SNX29: variants seen among roughly 807,000 people sequenced by gnomAD.
The protein encoded by SNX29 is sorting nexin 29, also known as sorting nexin-29.
A neutral mutation model predicts 102.1 loss-of-function variants in SNX29; 78 were observed. That is an observed-to-expected ratio of 0.76 (90% confidence interval 0.64 to 0.92). The LOEUF (loss-of-function observed/expected upper bound fraction) is 0.92. SNX29 is among the 40% of genes least tolerant of loss of function. The pLI is 0.00. For synonymous variants in SNX29, 580 were observed against 414.5 expected (o/e 1.40, Z -4.85); for missense variants, 1,280 against 1,061.7 (o/e 1.21, Z -2.86).
At chr16:12,102,848 G>T (rs1323646412) in intron 11 of SNX29, among the ~76,000 whole-genome samples, 2 of 152,166 alleles carry the variant, frequency 1.3e-5, no homozygotes, top group Non-Finnish European at 2.9e-5. Context: ...AAGCTGATAA[G>T]CAACTTCAGT....
intron 11 of SNX29, among the ~76,000 whole-genome samples, chr16:12,118,755 C>T (rs1471290511): frequency 2.6e-5 from 4 of 152,148 alleles, no homozygotes; most frequent in South Asian, 2.1e-4. Flanking sequence ...GTTTTCTAGC[C>T]TTCTGTGAGT....
chr16:12,228,994 A>G (rs1285203639), intron 14 of SNX29, among the ~76,000 whole-genome samples: 3 of 151,412 alleles, frequency 2.0e-5, no homozygotes, highest in Non-Finnish European at 4.4e-5. Context: ...TTTCTCCCCC[A>G]CTCCCAAATG....
At chr16:12,038,460 G>A (rs1188676858) in intron 4 of SNX29, among the ~76,000 whole-genome samples, 1 of 152,208 alleles carries the variant, frequency 6.6e-6, no homozygotes, top group Non-Finnish European at 1.5e-5. Flanking sequence ...GCTTTCAGGT[G>A]TTTGGAGAAC....
chr16:12,515,885 G>C (rs540258920), intron 19 of SNX29, among the ~76,000 whole-genome samples: 89 of 152,118 alleles, frequency 5.9e-4, no homozygotes, highest in Non-Finnish European at 1.1e-3. Context: ...GTAACTCGAT[G>C]GTGCACCACG....
chr16:12,139,436 G>A (rs1279805566), intron 13 of SNX29, among the ~76,000 whole-genome samples: 1 of 152,182 alleles, frequency 6.6e-6, no homozygotes, highest in Non-Finnish European at 1.5e-5. Flanking sequence ...GCCTGGCATT[G>A]CTCAGTCATA....
intron 14 of SNX29, among the ~76,000 whole-genome samples, chr16:12,264,511 G>A (rs890592525): frequency 4.6e-5 from 7 of 152,212 alleles, no homozygotes; most frequent in African/African-American, 1.7e-4. Flanking sequence ...GCCGGGTGCT[G>A]TGGCTCACGT....
intron 14 of SNX29, among the ~76,000 whole-genome samples, chr16:12,271,232 C>T (rs1340759335): frequency 6.6e-6 from 1 of 152,264 alleles, no homozygotes; most frequent in Admixed American, 6.5e-5. Flanking sequence ...CTCAGGGTCT[C>T]CCCTAAGGCT....
chr16:12,572,967 T>C lies in SNX29; in HGVS notation c.*4338T>C. 3 of 565,556 alleles carry C rather than the reference T, an allele frequency of 5.3e-6. No homozygotes were observed. The highest frequency in any genetic ancestry group is 7.1e-6 in the Non-Finnish European group (3 of 423,228). 35.0% of individuals were successfully genotyped at this position (565,556 alleles called of 1,614,324 possible). Reference sequence around the variant, plus strand: ...TGCTTATGAGCAAGGTCAAAGATTTTTCAAAATATTGTGCATTAATTCATT... The same window carrying C: ...TGCTTATGAGCAAGGTCAAAGATTTCTCAAAATATTGTGCATTAATTCATT... On this transcript the variant is annotated 3_prime_UTR_variant, in exon 21 of 21. Coordinates refer to ENST00000566228, the MANE Select transcript of SNX29 (RefSeq NM_032167.5).
intron 16 of SNX29, among the ~76,000 whole-genome samples, chr16:12,390,156 G>T (rs2083475418): frequency 6.6e-6 from 1 of 150,508 alleles, no homozygotes; most frequent in Non-Finnish European, 1.5e-5. Flanking sequence ...AGGGGTGTGT[G>T]TGTGTGTGTG....
intron 18 of SNX29, among the ~76,000 whole-genome samples, chr16:12,475,715 C>T (rs2087561577): frequency 6.6e-6 from 1 of 152,232 alleles, no homozygotes; most frequent in Non-Finnish European, 1.5e-5. Flanking sequence ...TCATACTGCA[C>T]ATCACTAGCC....
At chr16:12,125,411 G>A (rs1018850967) in intron 11 of SNX29, among the ~76,000 whole-genome samples, 1 of 151,966 alleles carries the variant, frequency 6.6e-6, no homozygotes, top group South Asian at 2.1e-4. Flanking sequence ...CAGTCATTTT[G>A]ATGTTGATAA....
intron 3 of SNX29, among the ~76,000 whole-genome samples, chr16:12,013,490 A>AGGGG: frequency 1.1e-4 from 4 of 37,734 alleles, no homozygotes; most frequent in African/African-American, 5.4e-4. Context: ...TACTGGGGGA[A>AGGGG]AAAAAAAAAA....
intron 19 of SNX29, among the ~76,000 whole-genome samples, chr16:12,478,161 A>G (rs142643699): frequency 2.7e-4 from 41 of 152,320 alleles, no homozygotes; most frequent in African/African-American, 9.4e-4. Flanking sequence ...TTCAGTGGCA[A>G]ATACTCACCT....
chr16:12,205,878 T>C (rs999153901), intron 14 of SNX29, among the ~76,000 whole-genome samples: 1 of 152,240 alleles, frequency 6.6e-6, no homozygotes, highest in Non-Finnish European at 1.5e-5. Flanking sequence ...CAGTGCTTGA[T>C]CCATGACACG....
intron 11 of SNX29, among the ~76,000 whole-genome samples, chr16:12,091,041 AAG>A (rs1190750595): frequency 1.1e-5 from 1 of 89,120 alleles, no homozygotes; most frequent in African/African-American, 4.7e-5. Context: ...AAAAAAAAGA[AAG>A]AAAAAGAAAA....
At chr16:12,397,815 C>T (rs1196882806) in intron 16 of SNX29, among the ~76,000 whole-genome samples, 2 of 152,144 alleles carry the variant, frequency 1.3e-5, no homozygotes, top group African/African-American at 4.8e-5. Context: ...TCACGTGCAC[C>T]TTTGAATGCT....
intron 15 of SNX29, among the ~76,000 whole-genome samples, chr16:12,283,422 C>T (rs1378945772): frequency 2.6e-5 from 4 of 151,744 alleles, no homozygotes; most frequent in African/African-American, 4.8e-5. Flanking sequence ...TGGGTTCAAG[C>T]GCTTCTTCTG....
chr16:12,109,440 T>G (rs2053413916), intron 11 of SNX29, among the ~76,000 whole-genome samples: 1 of 152,180 alleles, frequency 6.6e-6, no homozygotes, highest in Non-Finnish European at 1.5e-5. Context: ...TGCCAAGCTC[T>G]CATGACACAG....
intron 13 of SNX29, among the ~76,000 whole-genome samples, chr16:12,160,905 TCTTGAC>T (rs1367671893): frequency 6.6e-6 from 1 of 152,196 alleles, no homozygotes; most frequent in African/African-American, 2.4e-5. Context: ...AATATTGAGA[TCTTGAC>T]TGCTTTCACT....
Sources: gnomAD v4.1 joint callset for allele counts (sites outside exome capture counted in the v4.1 genomes callset) on GRCh38, gnomAD v4.1.1 for gene constraint, MANE v1.5 for transcripts, NCBI Gene and HGNC (gene_info 2026-07-23, HGNC 2026-07-21) for gene names.